Variants in SF3A3 observed in about 807,000 individuals in gnomAD.
SF3A3 encodes the protein SAP 61.
SF3A3 carries 9 observed loss-of-function variants against 85.8 expected under a neutral mutation model. The observed-to-expected ratio is 0.10, with a 90% CI of 0.06 to 0.18. SF3A3 has a LOEUF of 0.18. Ranked by LOEUF, SF3A3 falls within the 10% of genes least tolerant of loss-of-function variation. SF3A3 has a pLI of 1.00. For synonymous variants in SF3A3, 195 were observed against 204.4 expected (o/e 0.95, Z 0.39); for missense variants, 306 against 593.3 (o/e 0.52, Z 5.03).
At chr1:37,985,045 T>A (rs1279505194) in intron 4 of SF3A3, among the ~76,000 whole-genome samples, 1 of 152,220 alleles carries the variant, frequency 6.6e-6, no homozygotes, top group Non-Finnish European at 1.5e-5. Flanking sequence ...TAAGCTCAAG[T>A]GATCTGCCCA....
At chr1:37,974,016 G>A (rs550884312) in intron 12 of SF3A3, among the ~76,000 whole-genome samples, 7 of 152,068 alleles carry the variant, frequency 4.6e-5, no homozygotes, top group Non-Finnish European at 7.3e-5. Context: ...TCACTCATAG[G>A]TGGGAATTGA....
At chr1:37,980,839 C>CTA in intron 7 of SF3A3, 115 bp from the exon 8 acceptor site, 1 of 309,520 alleles carries the variant, frequency 3.2e-6, no homozygotes, top group Non-Finnish European at 5.4e-6. Context: ...CTTTTTAATA[C>CTA]TCTTTTTTTT....
chr1:37,959,952 C>T (rs926489149), intron 16 of SF3A3, among the ~76,000 whole-genome samples, 168 bp downstream of exon 16: 17 of 66,154 alleles, frequency 2.6e-4, no homozygotes, highest in Non-Finnish European at 4.4e-4. Flanking sequence ...TACGAGACTC[C>T]GTGTCAAAAA....
chr1:37,979,088 A>G (rs1442944180), intron 9 of SF3A3, 33 bp from the exon 10 acceptor site: 16 of 1,582,788 alleles, frequency 1.0e-5, no homozygotes, highest in Non-Finnish European at 1.4e-5. Flanking sequence ...ACAATATTAC[A>G]TTAACAGATT....
chr1:37,978,059 C>T (rs528421450), intron 11 of SF3A3, among the ~76,000 whole-genome samples: 16 of 151,286 alleles, frequency 1.1e-4, no homozygotes, highest in South Asian at 8.4e-4. Context: ...AACCCTGGGT[C>T]GGGCACGGTG....
At chr1:37,960,802 C>T (rs551544216) in intron 15 of SF3A3, 1 of 116,284 alleles carries the variant, frequency 8.6e-6, no homozygotes, top group East Asian at 2.8e-4. Flanking sequence ...AGGCGCCCGC[C>T]CCCATGCCCG....
At chr1:37,972,022 GAA>G (rs1646348013) in intron 12 of SF3A3, among the ~76,000 whole-genome samples, 1 of 152,214 alleles carries the variant, frequency 6.6e-6, no homozygotes, top group Non-Finnish European at 1.5e-5. Context: ...TCAGGCAGGA[GAA>G]AGAAATAAAG....
intron 14 of SF3A3, among the ~76,000 whole-genome samples, chr1:37,968,871 G>A (rs1047956264): frequency 2.0e-5 from 3 of 152,226 alleles, no homozygotes; most frequent in Admixed American, 6.5e-5. Context: ...ACTTAGAGGT[G>A]AGCCCACTTA....
At position 37,959,105 on chromosome 1, in the gene SF3A3, T is replaced by C. The variant is rs1184603429; in HGVS notation, c.1429-842A>G. ...CTTTTTTTTTTTTTTGTGAGGTAAG[T>C]TCTTGCTCTGTCACCCAGGCTGGAG... is the stretch of plus-strand genomic sequence containing the variant. On this transcript the variant is annotated intron_variant, in intron 16 of 16. Transcript: ENST00000373019. 6.0e-5 allele frequency among the ~76,000 whole-genome samples: 9 copies of C among 150,318 alleles called. No individual in the cohort carries two copies. The East Asian group carries it at 1.8e-3, about 29-fold the overall frequency.
rs371317065 is a variant in SF3A3 at position 37,983,586 on chromosome 1, C to CAAAAAAAAAAAAAAAAAAA, written c.468+564_468+582dup. On this transcript the variant is annotated intron_variant, in intron 6 of 16. Transcript: ENST00000373019. ...TGGGTGACAAAGTGAGACCCTGTCT[C>CAAAAAAAAAAAAAAAAAAA]AAAAAAAAAAAAAAAAAAAAAAGAT... 3.1e-3 allele frequency among the ~76,000 whole-genome samples: 119 copies of CAAAAAAAAAAAAAAAAAAA among 38,424 alleles called. 18 individuals carry two copies. Among genetic ancestry groups the CAAAAAAAAAAAAAAAAAAA allele is most frequent in the African/African-American group, 4.5e-3 (26 of 5,824 alleles). 25.2% of individuals were successfully genotyped at this position (38,424 alleles called of 152,430 possible).
In SF3A3 at chr1:37,971,715, T is replaced by A. The variant is rs186951070; in HGVS notation, c.1006-1980A>T. Among the ~76,000 whole-genome samples, 91 of 152,304 alleles carry A rather than the reference T, an allele frequency of 6.0e-4. 1 individual carries two copies. In the East Asian group the frequency reaches 0.017, roughly 28 times the overall value. ...GGCTGGTTCAACATACGCAAATCAA[T>A]AAACGTAATCCATCATATAAACAGA... On this transcript the variant is annotated intron_variant, in intron 12 of 16. Transcript: ENST00000373019.
chr1:37,980,810 A>T (rs929967658), intron 7 of SF3A3, 86 bp from the exon 8 acceptor site: 61 of 780,554 alleles, frequency 7.8e-5, no homozygotes, highest in Non-Finnish European at 1.1e-4. Context: ...TAAAGTACTT[A>T]TAATTCTAGT....
chr1:37,964,987 C>A (rs371556735), intron 15 of SF3A3, among the ~76,000 whole-genome samples: 1 of 151,904 alleles, frequency 6.6e-6, no homozygotes, highest in South Asian at 2.1e-4. Context: ...GGTGAAACCC[C>A]GTCTCTACTA....
At chr1:37,970,526 C>A (rs543981926) in intron 12 of SF3A3, among the ~76,000 whole-genome samples, 43 of 146,644 alleles carry the variant, frequency 2.9e-4, no homozygotes, top group African/African-American at 9.9e-4. Context: ...ATCTACAGAA[C>A]TCTCCACCCC....
chr1:37,980,546 T>A (rs1646410792), intron 8 of SF3A3, 40 bp downstream of exon 8: 1 of 1,603,356 alleles, frequency 6.2e-7, no homozygotes, highest in African/African-American at 1.3e-5. Flanking sequence ...TTACTTCAAT[T>A]CCCTGGCATG....
intron 12 of SF3A3, among the ~76,000 whole-genome samples, chr1:37,974,200 T>C (rs978054479): frequency 5.9e-5 from 9 of 151,752 alleles, no homozygotes; most frequent in Non-Finnish European, 1.2e-4. Context: ...CTACACGTTG[T>C]GCACATGTAC....
At chr1:37,977,908 T>C (rs1045070192) in intron 11 of SF3A3, among the ~76,000 whole-genome samples, 1 of 151,700 alleles carries the variant, frequency 6.6e-6, no homozygotes, top group Non-Finnish European at 1.5e-5. Flanking sequence ...TCCCAGCTAC[T>C]CGGGAGGCTG....
chr1:37,987,917 C>T, intron 2 of SF3A3, 81 bp from the exon 3 acceptor site: 11 of 1,174,472 alleles, frequency 9.4e-6, no homozygotes, highest in Non-Finnish European at 1.4e-5. Context: ...GTTCTCCAGT[C>T]AAAGCCCAGG....
At chr1:37,989,651 G>T in intron 1 of SF3A3, 56 bp from the exon 2 acceptor site, 1 of 1,591,608 alleles carries the variant, frequency 6.3e-7, no homozygotes, top group Non-Finnish European at 8.6e-7. Context: ...GAGTAGAAAA[G>T]GCCGCCCGAG....
Sources: allele counts gnomAD v4.1 joint callset (sites outside exome capture counted in the v4.1 genomes callset), GRCh38; gene constraint gnomAD v4.1.1; transcripts MANE v1.5; gene names NCBI Gene and HGNC (gene_info 2026-07-23, HGNC 2026-07-21).